The following KSR2 variants were observed in gnomAD, a reference collection of about 807,000 sequenced individuals.
KSR2 encodes the protein kinase suppressor of ras 2.
Under a neutral mutation model 107.8 loss-of-function variants are expected in KSR2, and 25 were observed. The ratio of observed to expected loss-of-function variants is 0.23; its 90% CI spans 0.17 to 0.32. The LOEUF (loss-of-function observed/expected upper bound fraction) is 0.32, where lower values mean the gene tolerates loss of function less well. Ranked by LOEUF, KSR2 falls within the 10% of genes least tolerant of loss-of-function variation. The pLI is 1.00. For synonymous variants in KSR2, 480 were observed against 507.0 expected, an observed-to-expected ratio of 0.95 and a Z score of 0.71; for missense variants, 887 against 1,268.9, an observed-to-expected ratio of 0.70 and a Z score of 4.57.
chr12:117,854,600 G>A (rs961933430), intron 3 of KSR2, among the ~76,000 whole-genome samples: 2 of 152,178 alleles, frequency 1.3e-5, no homozygotes, highest in Non-Finnish European at 2.9e-5. Context: ...GTGACACCTT[G>A]TGGTGGGAAC....
chr12:117,477,978 T>C (rs1274520007), intron 16 of KSR2, among the ~76,000 whole-genome samples: 1 of 152,226 alleles, frequency 6.6e-6, no homozygotes, highest in Non-Finnish European at 1.5e-5. Flanking sequence ...GACAGAGCTT[T>C]CCATGTGGGT....
At chr12:117,497,630 G>A (rs1369413826) in intron 14 of KSR2, among the ~76,000 whole-genome samples, 1 of 152,178 alleles carries the variant, frequency 6.6e-6, no homozygotes, top group Non-Finnish European at 1.5e-5. Flanking sequence ...CCAGGAGACT[G>A]GCGCAATAAG....
At chr12:117,874,628 G>A (rs982625334) in intron 1 of KSR2, among the ~76,000 whole-genome samples, 1 of 152,180 alleles carries the variant, frequency 6.6e-6, no homozygotes, top group Non-Finnish European at 1.5e-5. Context: ...TCGGGATCGT[G>A]ATTTGAACTC....
chr12:117,711,723 T>C (rs1188846521), intron 4 of KSR2, among the ~76,000 whole-genome samples: 2 of 152,234 alleles, frequency 1.3e-5, no homozygotes, highest in African/African-American at 2.4e-5. Flanking sequence ...GGAAGGATCT[T>C]TCTGAAATTC....
chr12:117,535,014 A>G (rs1288718208), intron 10 of KSR2, among the ~76,000 whole-genome samples: 1 of 152,078 alleles, frequency 6.6e-6, no homozygotes, highest in Admixed American at 6.5e-5. Flanking sequence ...AAGATAATAA[A>G]CCTGTGTGCT....
At chr12:117,759,304 A>G (rs1888912004) in intron 4 of KSR2, among the ~76,000 whole-genome samples, 1 of 152,172 alleles carries the variant, frequency 6.6e-6, no homozygotes, top group Admixed American at 6.5e-5. Flanking sequence ...GAACACTGCC[A>G]TGCCCATTTG....
At chr12:117,947,235 A>C (rs1408529132) in intron 1 of KSR2, among the ~76,000 whole-genome samples, 10 of 122,006 alleles carry the variant, frequency 8.2e-5, no homozygotes, top group Admixed American at 2.4e-4. Flanking sequence ...GAAAGAAAGA[A>C]AGAAAGAAAG....
In KSR2 at chr12:117,533,802, G is replaced by A. The variant is rs550588985; in HGVS notation, c.1688-2095C>T. On this transcript the variant is annotated intron_variant, in intron 10 of 19. Transcript: ENST00000339824. The stretch of plus-strand genomic sequence containing the variant: ...GAGCAGGAGCTGCTTCAGAGAGTCC[G>A]AGAAGGGACAGGTGTCAGGCAACAG... Among the ~76,000 whole-genome samples the A allele has an allele frequency of 4.6e-5, 7 of 152,270 alleles. No homozygotes were observed. The South Asian group carries it at 8.3e-4, about 18-fold the overall frequency.
At chr12:117,496,853 ATTT>A (rs879774490) in intron 14 of KSR2, among the ~76,000 whole-genome samples, 1 of 143,230 alleles carries the variant, frequency 7.0e-6, no homozygotes, top group Admixed American at 7.0e-5. Context: ...CTGAACAGAG[ATTT>A]TTTTTTTTTT....
intron 3 of KSR2, among the ~76,000 whole-genome samples, chr12:117,800,780 G>A (rs1890806661): frequency 2.0e-5 from 3 of 151,748 alleles, no homozygotes; most frequent in Middle Eastern, 3.4e-3. Flanking sequence ...GCCCCGGTGT[G>A]TGATGTTCCC....
At chr12:117,729,722 G>A (rs978856009) in intron 4 of KSR2, among the ~76,000 whole-genome samples, 2 of 149,080 alleles carry the variant, frequency 1.3e-5, no homozygotes, top group Non-Finnish European at 3.0e-5. Flanking sequence ...TCATTCATTT[G>A]ACAAACATTC....
At chr12:117,722,330 T>C (rs1337735758) in intron 4 of KSR2, among the ~76,000 whole-genome samples, 1 of 152,144 alleles carries the variant, frequency 6.6e-6, no homozygotes, top group African/African-American at 2.4e-5. Flanking sequence ...AGCAACTCCA[T>C]CTTGAAGAGG....
At chr12:117,500,701 A>G (rs768420420) in intron 14 of KSR2, among the ~76,000 whole-genome samples, 5 of 152,186 alleles carry the variant, frequency 3.3e-5, no homozygotes, top group Non-Finnish European at 7.3e-5. Context: ...TACTCATTCT[A>G]CCCACACAAG....
intron 5 of KSR2, among the ~76,000 whole-genome samples, chr12:117,590,117 G>C (rs546310201): frequency 6.6e-5 from 10 of 152,230 alleles, no homozygotes; most frequent in Non-Finnish European, 1.2e-4. Flanking sequence ...CCATGACATT[G>C]AGACAAAACA....
At chr12:117,899,367 C>T (rs1477710703) in intron 1 of KSR2, among the ~76,000 whole-genome samples, 1 of 152,034 alleles carries the variant, frequency 6.6e-6, no homozygotes, top group Non-Finnish European at 1.5e-5. Flanking sequence ...GTGGCACATA[C>T]CTGTAGTCCC....
intron 4 of KSR2, among the ~76,000 whole-genome samples, chr12:117,699,828 T>G (rs1460728732): frequency 6.6e-6 from 1 of 152,270 alleles, no homozygotes; most frequent in East Asian, 1.9e-4. Flanking sequence ...TTACAATGGC[T>G]ATGACGTCAC....
At chr12:117,906,288 G>A (rs541279223) in intron 1 of KSR2, among the ~76,000 whole-genome samples, 3 of 150,916 alleles carry the variant, frequency 2.0e-5, no homozygotes, top group Admixed American at 1.3e-4. Flanking sequence ...GGGAGGCAGA[G>A]GTTGTGGTGA....
intron 17 of KSR2, among the ~76,000 whole-genome samples, 152 bp from the exon 18 acceptor site, chr12:117,471,472 G>T (rs564265241): frequency 1.3e-5 from 2 of 152,096 alleles, no homozygotes; most frequent in African/African-American, 4.8e-5. Flanking sequence ...TGCCATGTGC[G>T]ACATACCTAA....
chr12:117,789,195 A>T (rs1189418151), intron 3 of KSR2, among the ~76,000 whole-genome samples: 2 of 152,150 alleles, frequency 1.3e-5, no homozygotes, highest in Non-Finnish European at 2.9e-5. Flanking sequence ...TATAATTCTG[A>T]CCTTTTCTTC....
Sources: gnomAD v4.1 joint callset for allele counts (sites outside exome capture counted in the v4.1 genomes callset) on GRCh38, gnomAD v4.1.1 for gene constraint, MANE v1.5 for transcripts, NCBI Gene and HGNC (gene_info 2026-07-23, HGNC 2026-07-21) for gene names.